ELOVL6: variants seen among roughly 807,000 people sequenced by gnomAD.
ELOVL6 encodes the protein very long chain fatty acid elongase 6.
Under a neutral mutation model 31.7 loss-of-function variants are expected in ELOVL6, and 8 were observed. The observed-to-expected ratio is 0.25, with a 90% CI of 0.15 to 0.45. The LOEUF (loss-of-function observed/expected upper bound fraction) is 0.45, where lower values mean the gene tolerates loss of function less well. Among genes scored for constraint, ELOVL6 ranks in the 20% least tolerant of loss-of-function variants. The pLI is 1.00. For synonymous variants in ELOVL6, 101 were observed against 117.7 expected (o/e 0.86, Z 0.92); for missense variants, 126 against 326.4 (o/e 0.39, Z 4.73).
chr4:110,180,378 A>ATATATG (rs1553962831), intron 1 of ELOVL6, among the ~76,000 whole-genome samples: 1 of 124,642 alleles, frequency 8.0e-6, no homozygotes, highest in African/African-American at 3.4e-5. Flanking sequence ...ATTTACTTAT[A>ATATATG]TATGTATGTA....
At chr4:110,109,384 C>T (rs1056913660) in intron 1 of ELOVL6, among the ~76,000 whole-genome samples, 1 of 152,138 alleles carries the variant, frequency 6.6e-6, no homozygotes, top group African/African-American at 2.4e-5. Flanking sequence ...AAAGACAACC[C>T]AAATGAAATA....
Position 110,172,212 on chromosome 4 carries a change from T to A in ELOVL6, c.89+26035A>T, listed in dbSNP as rs145325456. 3.7e-3 allele frequency among the ~76,000 whole-genome samples: 559 copies of A among 152,192 alleles called. 4 individuals carry two copies. In the Middle Eastern group the frequency reaches 0.048, roughly 13 times the overall value. On this transcript the variant is annotated intron_variant, in intron 1 of 3. Coordinates refer to ENST00000302274, the MANE Select transcript of ELOVL6 (RefSeq NM_024090.3). ...TCTGTCCCTATCTCCAAGCAGATAG[T>A]GTCAAAATTGAACTGGAGGACACCC... is the stretch of plus-strand genomic sequence containing the variant.
At chr4:110,156,054 TCTTTA>T (rs1215828659) in intron 1 of ELOVL6, among the ~76,000 whole-genome samples, 1 of 152,238 alleles carries the variant, frequency 6.6e-6, no homozygotes, top group Non-Finnish European at 1.5e-5. Flanking sequence ...TGCTTTCCTT[TCTTTA>T]AATACCTATT....
chr4:110,094,438 T>TATATATAA (rs1383825931), intron 2 of ELOVL6, among the ~76,000 whole-genome samples: 667 of 55,276 alleles, frequency 0.012, 16 homozygotes, highest in East Asian at 0.039. Context: ...TATATATATA[T>TATATATAA]ATATAATATA....
At chr4:110,190,589 C>T (rs895343958) in intron 1 of ELOVL6, among the ~76,000 whole-genome samples, 3 of 152,294 alleles carry the variant, frequency 2.0e-5, no homozygotes, top group Non-Finnish European at 2.9e-5. Flanking sequence ...ACTGGAACCT[C>T]GGCCTCCTGG....
intron 1 of ELOVL6, among the ~76,000 whole-genome samples, chr4:110,171,884 C>T (rs961898081): frequency 6.6e-6 from 1 of 151,776 alleles, no homozygotes; most frequent in Non-Finnish European, 1.5e-5. Context: ...GAGACAAGGT[C>T]TCACTATATT....
At chr4:110,196,452 C>T (rs976145864) in intron 1 of ELOVL6, among the ~76,000 whole-genome samples, 1 of 152,212 alleles carries the variant, frequency 6.6e-6, no homozygotes. Flanking sequence ...GCACCACCCC[C>T]TAAGCGGGAG....
chr4:110,101,027 G>A (rs554346302), intron 2 of ELOVL6, among the ~76,000 whole-genome samples: 1 of 152,276 alleles, frequency 6.6e-6, no homozygotes, highest in African/African-American at 2.4e-5. Context: ...AACTGTTTGT[G>A]AAAAGCAGTT....
chr4:110,127,381 T>TG, intron 1 of ELOVL6, among the ~76,000 whole-genome samples: 1 of 117,676 alleles, frequency 8.5e-6, no homozygotes, highest in Admixed American at 1.2e-4. Flanking sequence ...CATTCCAGCC[T>TG]GGGTGACAGA....
At chr4:110,196,893 G>A (rs1759813933) in intron 1 of ELOVL6, among the ~76,000 whole-genome samples, 1 of 152,178 alleles carries the variant, frequency 6.6e-6, no homozygotes, top group Non-Finnish European at 1.5e-5. Context: ...GGCGGGAGGA[G>A]AAGGAAGCGG....
At chr4:110,155,843 G>T (rs1383857592) in intron 1 of ELOVL6, among the ~76,000 whole-genome samples, 1 of 152,112 alleles carries the variant, frequency 6.6e-6, no homozygotes, top group African/African-American at 2.4e-5. Flanking sequence ...CAGATGTCAA[G>T]GCCTCAGCAC....
chr4:110,147,734 T>C (rs1302129706), intron 1 of ELOVL6, among the ~76,000 whole-genome samples: 2 of 150,284 alleles, frequency 1.3e-5, no homozygotes, highest in African/African-American at 4.9e-5. Context: ...GAGGCTGCAG[T>C]GAGCAGTGAC....
intron 2 of ELOVL6, among the ~76,000 whole-genome samples, chr4:110,076,300 T>C (rs1755629392): frequency 6.6e-6 from 1 of 152,230 alleles, no homozygotes; most frequent in Admixed American, 6.5e-5. Context: ...CATGAGACGG[T>C]GCAGCTGAAA....
At chr4:110,181,291 A>AG (rs1759264590) in intron 1 of ELOVL6, among the ~76,000 whole-genome samples, 4 of 152,030 alleles carry the variant, frequency 2.6e-5, no homozygotes, top group African/African-American at 9.7e-5. Context: ...TACTAAAAAT[A>AG]CAAAAAATTA....
chr4:110,189,015 C>T (rs1252217787), intron 1 of ELOVL6, among the ~76,000 whole-genome samples: 1 of 151,988 alleles, frequency 6.6e-6, no homozygotes, highest in Non-Finnish European at 1.5e-5. Flanking sequence ...TGGTGGTTTA[C>T]ACCTGTAATC....
At chr4:110,091,138 T>C (rs372718401) in intron 2 of ELOVL6, among the ~76,000 whole-genome samples, 20 of 152,204 alleles carry the variant, frequency 1.3e-4, no homozygotes, top group East Asian at 5.8e-4. Context: ...AACTTTAACC[T>C]AGTTCTACTC....
rs1754762145 is a variant in ELOVL6 at position 110,048,755 on chromosome 4, GA to G, written c.*2582del. ...TTTTTTCCTCCCATGATAAACATTG[GA>G]AATGCCTTTAGATATATTTAGCTAA... On this transcript the variant is annotated 3_prime_UTR_variant, in exon 4 of 4. Coordinates refer to ENST00000302274, the MANE Select transcript of ELOVL6 (RefSeq NM_024090.3). 1 of 152,070 alleles carries G rather than the reference GA, an allele frequency of 6.6e-6. No homozygotes were observed. The highest frequency in any genetic ancestry group is 2.4e-5 in the African/African-American group (1 of 41,414). 9.4% of individuals were successfully genotyped at this position (152,070 alleles called of 1,614,324 possible).
In ELOVL6 at chr4:110,084,360, C is replaced by T. The variant is rs1420707065; in HGVS notation, c.221+21137G>A. 1.2e-4 allele frequency among the ~76,000 whole-genome samples: 10 copies of T among 80,260 alleles called. 2 individuals carry two copies. The highest frequency in any genetic ancestry group is 9.9e-4 in the East Asian group (3 of 3,038). The allele number at this position is 80,260 out of a possible 152,430, so 52.7% of individuals were successfully genotyped here. A position where few individuals can be genotyped will look rare whatever the true frequency, so the allele number is the denominator to read the frequency against. On this transcript the variant is annotated intron_variant, in intron 2 of 3. Transcript: ENST00000302274. ...CACATATATGATATATGATATATAC[C>T]GCATATATGATATATGATATATATC...
At chr4:110,175,668 C>T (rs1055204879) in intron 1 of ELOVL6, among the ~76,000 whole-genome samples, 3 of 152,136 alleles carry the variant, frequency 2.0e-5, no homozygotes, top group Non-Finnish European at 2.9e-5. Flanking sequence ...TCCAAGGTTA[C>T]AAAGCTGAAC....
Sources: gnomAD v4.1 joint callset for allele counts (sites outside exome capture counted in the v4.1 genomes callset) on GRCh38, gnomAD v4.1.1 for gene constraint, MANE v1.5 for transcripts, NCBI Gene and HGNC (gene_info 2026-07-23, HGNC 2026-07-21) for gene names.